UPF2: variants seen among roughly 807,000 people sequenced by gnomAD.
UPF2 encodes UPF2 regulator of nonsense mediated mRNA decay.
A neutral mutation model predicts 141.4 loss-of-function variants in UPF2; 17 were observed. The observed-to-expected ratio is 0.12, with a 90% CI of 0.08 to 0.18. The LOEUF (loss-of-function observed/expected upper bound fraction) is 0.18. Ranked by LOEUF, UPF2 falls within the 10% of genes least tolerant of loss-of-function variation. The pLI is 1.00. For missense variants in UPF2, 1,152 were observed against 1,515.9 expected (o/e 0.76, Z 3.99); for synonymous variants, 540 against 498.0 (o/e 1.08, Z -1.12).
chr10:11,966,573 T>C (rs1404893778), intron 10 of UPF2, among the ~76,000 whole-genome samples: 1 of 152,056 alleles, frequency 6.6e-6, no homozygotes, highest in Non-Finnish European at 1.5e-5. Flanking sequence ...TACAGGTGCA[T>C]ACCACCATGC....
At chr10:11,941,547 A>G (rs546753088) in intron 18 of UPF2, among the ~76,000 whole-genome samples, 1 of 152,174 alleles carries the variant, frequency 6.6e-6, no homozygotes, top group African/African-American at 2.4e-5. Flanking sequence ...TAAAGATTCC[A>G]TAATATCTTC....
At chr10:12,032,229 G>A (rs2131311792) in intron 2 of UPF2, among the ~76,000 whole-genome samples, 1 of 152,100 alleles carries the variant, frequency 6.6e-6, no homozygotes, top group Admixed American at 6.5e-5. Context: ...GGGAGGTGGA[G>A]GTTACGGTGA....
chr10:12,023,601 A>T (rs527951419), intron 3 of UPF2, among the ~76,000 whole-genome samples: 4 of 151,354 alleles, frequency 2.6e-5, no homozygotes, highest in Admixed American at 1.3e-4. Flanking sequence ...GAGGCAAGGG[A>T]ATCGGTTGAA....
Position 12,029,406 on chromosome 10 carries a change from TGAA to T in UPF2, c.481_483del (p.Phe161del). On this transcript the variant is annotated inframe_deletion, in exon 3 of 22. Transcript: ENST00000357604. The stretch of plus-strand genomic sequence containing the variant: ...TTCTTCAAACTTGAGTCGAGGCGGC[TGAA>T]GAAGTTTTCCTCTGGTCGGCTGTCC... 1 of 1,614,246 alleles carries T rather than the reference TGAA, an allele frequency of 6.2e-7. No individual in the cohort carries two copies. Among genetic ancestry groups the T allele is most frequent in the Non-Finnish European group, 8.5e-7 (1 of 1,180,042 alleles).
chr10:12,015,042 C>T (rs942580877), intron 3 of UPF2, among the ~76,000 whole-genome samples: 3 of 152,118 alleles, frequency 2.0e-5, no homozygotes, highest in Non-Finnish European at 2.9e-5. Context: ...TTATTATATT[C>T]GTATAAATCA....
Position 11,940,058 on chromosome 10 carries a change from A to G in UPF2, c.3378+2607T>C, listed in dbSNP as rs528001012. ...TATCTCTAGGATACTGCATCCTCCT[A>G]TGACATTCTCATCAAAACAAAGAGA... On this transcript the variant is annotated intron_variant, in intron 18 of 21. Coordinates refer to ENST00000357604, the MANE Select transcript of UPF2 (RefSeq NM_015542.4). The surrounding 1 kb of genome is among the most constrained non-coding windows in gnomAD (Gnocchi z 4.2). Among the ~76,000 whole-genome samples the G allele has an allele frequency of 5.9e-5, 9 of 152,176 alleles. No individual in the cohort carries two copies. The highest frequency in any genetic ancestry group is 1.2e-4 in the Non-Finnish European group (8 of 68,026).
At chr10:12,029,842 G>A (rs117214782) in intron 2 of UPF2, among the ~76,000 whole-genome samples, 13,377 of 151,690 alleles carry the variant, frequency 0.088, 777 homozygotes, top group South Asian at 0.13. Flanking sequence ...CTCACCTGTA[G>A]TCCCAGCTAT....
intron 1 of UPF2, among the ~76,000 whole-genome samples, chr10:12,040,599 CA>C (rs376390427): frequency 2.7e-5 from 4 of 146,416 alleles, no homozygotes; most frequent in South Asian, 2.2e-4. Context: ...TTTCCGTAAA[CA>C]AAAAAAAAAG....
intron 8 of UPF2, among the ~76,000 whole-genome samples, chr10:11,996,307 T>C (rs1015142294): frequency 1.3e-5 from 2 of 152,190 alleles, no homozygotes; most frequent in South Asian, 4.2e-4. Flanking sequence ...TCTAGAATAC[T>C]TGCATCTTTT....
At position 11,942,648 on chromosome 10, in the gene UPF2, C is replaced by T; in HGVS notation, c.3378+17G>A. ...TTTGTATTGAGAAGAGTCTTTGAAA[C>T]AAATGACATTTAATACCTGTAGATT... On this transcript the variant is annotated intron_variant, in intron 18 of 21. Coordinates refer to ENST00000357604, the MANE Select transcript of UPF2 (RefSeq NM_015542.4). 1.2e-6 allele frequency: 2 copies of T among 1,608,404 alleles called. No homozygotes were observed. Among genetic ancestry groups the T allele is most frequent in the South Asian group, 2.2e-5 (2 of 90,824 alleles).
At chr10:12,034,331 T>A (rs141111309) in intron 2 of UPF2, among the ~76,000 whole-genome samples, 98,707 of 151,360 alleles carry the variant, frequency 0.65, 33,954 homozygotes, top group East Asian at 0.86. Flanking sequence ...TATTTTATTT[T>A]TTTTTTTTTG....
At chr10:11,930,291 C>T (rs552705934) in intron 20 of UPF2, among the ~76,000 whole-genome samples, 186 of 152,244 alleles carry the variant, frequency 1.2e-3, no homozygotes, top group African/African-American at 4.3e-3. Flanking sequence ...GTGTGTAGAG[C>T]GAGACTACTG....
Position 11,989,835 on chromosome 10 carries a change from G to GA in UPF2, c.1844+7836dup, listed in dbSNP as rs976019589. ...TAGAAGCCATGCTAGTGACGTAGAT[G>GA]AAAGTGGTCTGGATCCTTGAGTCAC... On this transcript the variant is annotated intron_variant, in intron 8 of 21. Transcript: ENST00000357604. 5.4e-4 allele frequency among the ~76,000 whole-genome samples: 82 copies of GA among 152,298 alleles called. 1 individual carries two copies. The highest frequency in any genetic ancestry group is 1.9e-3 in the African/African-American group (78 of 41,562).
intron 1 of UPF2, 130 bp from the exon 2 acceptor site, chr10:12,035,571 T>C: frequency 1.0e-6 from 1 of 956,698 alleles, no homozygotes; most frequent in Non-Finnish European, 1.5e-6. Flanking sequence ...GCAGGTAAAA[T>C]GAATACTATT....
In UPF2 at chr10:11,921,829, G is replaced by A. The variant is rs112166002; in HGVS notation, c.3810-522C>T. Among the ~76,000 whole-genome samples, 9,474 of 151,156 alleles carry A rather than the reference G, an allele frequency of 0.063. 383 individuals carry two copies. The highest frequency in any genetic ancestry group is 0.092 in the Non-Finnish European group (6,248 of 67,628). On this transcript the variant is annotated intron_variant, in intron 21 of 21. Transcript: ENST00000357604. The surrounding 1 kb of genome is among the most constrained non-coding windows in gnomAD (Gnocchi z 5.9). Reference sequence around the variant, plus strand: ...TTCTCTTCTACAACTTATTCTTAAGGTGCTAAGAATTCACAGTTTGTGTTA... The same window carrying A: ...TTCTCTTCTACAACTTATTCTTAAGATGCTAAGAATTCACAGTTTGTGTTA...
intron 21 of UPF2, among the ~76,000 whole-genome samples, chr10:11,927,694 C>T (rs1273673634): frequency 6.6e-6 from 1 of 152,102 alleles, no homozygotes; most frequent in African/African-American, 2.4e-5. Flanking sequence ...GTTTACAGGT[C>T]ATTTCCAACT....
intron 21 of UPF2, among the ~76,000 whole-genome samples, chr10:11,926,713 C>CCT (rs5783239): frequency 0.83 from 126,888 of 152,084 alleles, 53,400 homozygotes; most frequent in Non-Finnish European, 0.89. Flanking sequence ...CAATAATGAA[C>CCT]CTCTTTTCTA....
chr10:12,004,273 CACT>C (rs1833998987), intron 5 of UPF2, among the ~76,000 whole-genome samples: 1 of 152,160 alleles, frequency 6.6e-6, no homozygotes, highest in African/African-American at 2.4e-5. Context: ...CACTTGAATT[CACT>C]ACAAGACATT....
At chr10:12,026,653 T>A (rs1834425111) in intron 3 of UPF2, 1 of 452,436 alleles carries the variant, frequency 2.2e-6, no homozygotes. Context: ...AAACTTTTTT[T>A]TTTTTTTTTT....
Sources: allele counts gnomAD v4.1 joint callset (sites outside exome capture counted in the v4.1 genomes callset), GRCh38; gene constraint gnomAD v4.1.1; non-coding constraint Gnocchi (gnomAD v3.1); transcripts MANE v1.5; gene names NCBI Gene and HGNC (gene_info 2026-07-23, HGNC 2026-07-21).